The following NCOA1 variants were observed in gnomAD, a reference collection of about 807,000 sequenced individuals.
The protein encoded by NCOA1 is nuclear receptor coactivator 1.
Under a neutral mutation model 150.9 loss-of-function variants are expected in NCOA1, and 35 were observed. That is an observed-to-expected ratio of 0.23 (90% confidence interval 0.18 to 0.31). The LOEUF (loss-of-function observed/expected upper bound fraction) is 0.31, where lower values mean the gene tolerates loss of function less well. NCOA1 is among the 10% of genes least tolerant of loss of function. The probability of loss-of-function intolerance (pLI) is 1.00; values close to 1 mark genes in which losing one functional copy is unlikely to be tolerated. For synonymous variants in NCOA1, 590 were observed against 630.0 expected (o/e 0.94, Z 0.95); for missense variants, 1,491 against 1,749.3 (o/e 0.85, Z 2.63).
chr2:24,526,677 G>T (rs1239019149), intron 1 of NCOA1, among the ~76,000 whole-genome samples: 3 of 151,618 alleles, frequency 2.0e-5, no homozygotes, highest in Admixed American at 6.6e-5. Flanking sequence ...CAGGCTCATT[G>T]CATTGCAGCC....
intron 17 of NCOA1, among the ~76,000 whole-genome samples, chr2:24,738,238 C>T (rs539649749): frequency 1.3e-5 from 2 of 151,464 alleles, no homozygotes; most frequent in East Asian, 1.9e-4. Context: ...ATAAAACTTT[C>T]GTAGGCTTTC....
chr2:24,640,066 A>T (rs966308311), intron 3 of NCOA1, among the ~76,000 whole-genome samples: 1 of 149,814 alleles, frequency 6.7e-6, no homozygotes, highest in Non-Finnish European at 1.5e-5. Flanking sequence ...TTTCCATTGC[A>T]TTTTCTTCTT....
At chr2:24,666,637 G>T (rs890952941) in intron 6 of NCOA1, among the ~76,000 whole-genome samples, 1 of 117,646 alleles carries the variant, frequency 8.5e-6, no homozygotes, top group East Asian at 2.7e-4. Context: ...AAAAAACCCG[G>T]ATTTTTTTTT....
intron 21 of NCOA1, among the ~76,000 whole-genome samples, chr2:24,761,761 C>T (rs1558347387): frequency 1.3e-5 from 2 of 152,084 alleles, no homozygotes; most frequent in Non-Finnish European, 2.9e-5. Context: ...GAAGTTTGAT[C>T]CTTGCTTTTT....
rs1388048291 is a variant in NCOA1 at position 24,768,809 on chromosome 2, G to T, written c.*418G>T. 7 of 226,436 alleles carry T rather than the reference G, an allele frequency of 3.1e-5. No homozygotes were observed. The allele number at this position is 226,436 out of a possible 1,614,324, so 14.0% of individuals were successfully genotyped here. On this transcript the variant is annotated 3_prime_UTR_variant, in exon 23 of 23. Coordinates refer to ENST00000348332, the MANE Select transcript of NCOA1 (RefSeq NM_003743.5). The stretch of plus-strand genomic sequence containing the variant: ...CTGCCCAGGAAGAAGGGCCCGTGGG[G>T]CTTTGCCTGTGCCCGTCCACCAAAG...
At chr2:24,751,872 TAAGA>T (rs910005765) in intron 19 of NCOA1, 106 bp from the exon 20 acceptor site, 1 of 1,070,988 alleles carries the variant, frequency 9.3e-7, no homozygotes, top group Admixed American at 2.9e-5. Flanking sequence ...ACAAGGCAAA[TAAGA>T]AAGTTATTTG....
chr2:24,566,505 C>T lies in NCOA1; in HGVS notation c.-260+2075C>T, dbSNP rs148409204. Reference sequence around the variant, plus strand: ...TGAATCCAGGGTTTTTATGGGCTTCCCAGGGGCTGAAGTGCATGCTGATTG... The same window carrying T: ...TGAATCCAGGGTTTTTATGGGCTTCTCAGGGGCTGAAGTGCATGCTGATTG... On this transcript the variant is annotated intron_variant, in intron 2 of 22. Coordinates refer to ENST00000348332, the MANE Select transcript of NCOA1 (RefSeq NM_003743.5). Among the ~76,000 whole-genome samples, 108 of 152,270 alleles carry T rather than the reference C, an allele frequency of 7.1e-4. 1 individual carries two copies. The East Asian group carries it at 0.019, about 27-fold the overall frequency.
At chr2:24,713,848 G>A (rs1381358376) in intron 14 of NCOA1, among the ~76,000 whole-genome samples, 1 of 152,182 alleles carries the variant, frequency 6.6e-6, no homozygotes. Context: ...GGGGCAGCTA[G>A]AACTTGCTGA....
chr2:24,614,760 T>C (rs1249854930), intron 3 of NCOA1, among the ~76,000 whole-genome samples: 4 of 152,196 alleles, frequency 2.6e-5, no homozygotes, highest in African/African-American at 7.2e-5. Flanking sequence ...ACCACTGACA[T>C]AGAAAAAGTT....
intron 3 of NCOA1, among the ~76,000 whole-genome samples, chr2:24,593,199 G>T (rs902685240): frequency 3.9e-5 from 6 of 152,122 alleles, no homozygotes; most frequent in African/African-American, 1.4e-4. Context: ...GCACTGTCTT[G>T]ACGGATGGCA....
At chr2:24,685,239 T>A (rs776071142) in intron 8 of NCOA1, among the ~76,000 whole-genome samples, 3 of 152,178 alleles carry the variant, frequency 2.0e-5, no homozygotes, top group Non-Finnish European at 4.4e-5. Flanking sequence ...CTTTTGAATT[T>A]ACAGATTTAG....
chr2:24,736,498 T>C (rs1663311695), intron 17 of NCOA1, among the ~76,000 whole-genome samples: 3 of 152,140 alleles, frequency 2.0e-5, no homozygotes, highest in African/African-American at 7.2e-5. Context: ...TGATCATCTT[T>C]TATATATTAT....
At chr2:24,709,520 CTT>C (rs1418680559) in intron 13 of NCOA1, among the ~76,000 whole-genome samples, 1 of 152,012 alleles carries the variant, frequency 6.6e-6, no homozygotes, top group Non-Finnish European at 1.5e-5. Context: ...TTTTATTTTG[CTT>C]ATTGACTTTT....
intron 3 of NCOA1, among the ~76,000 whole-genome samples, chr2:24,614,160 T>TA (rs1429045644): frequency 1.3e-5 from 2 of 149,810 alleles, no homozygotes; most frequent in African/African-American, 4.9e-5. Flanking sequence ...GAAGCTTTAT[T>TA]ACTTGCTTTT....
chr2:24,660,636 A>C (rs1279622742), intron 5 of NCOA1, among the ~76,000 whole-genome samples: 1 of 152,202 alleles, frequency 6.6e-6, no homozygotes, highest in Non-Finnish European at 1.5e-5. Context: ...CATTACATGA[A>C]TATACCATCT....
intron 2 of NCOA1, among the ~76,000 whole-genome samples, chr2:24,576,149 G>GTTTTTTTTTGTTTTTTTTTTTTTTT (rs1666947727): frequency 9.6e-5 from 9 of 94,024 alleles, no homozygotes; most frequent in Non-Finnish European, 1.8e-4. Context: ...TTTGGCCTTT[G>GTTTTTTTTTGTTTTTTTTTTTTTTT]TTTTTTTTTT....
intron 3 of NCOA1, among the ~76,000 whole-genome samples, chr2:24,614,199 C>CTTTTTTTTTTTTT (rs869113477): frequency 0.014 from 127 of 9,174 alleles, 39 homozygotes; most frequent in Non-Finnish European, 0.017. Flanking sequence ...CATTTCCATT[C>CTTTTTTTTTTTTT]TTTTTTTTTT....
intron 3 of NCOA1, among the ~76,000 whole-genome samples, chr2:24,617,083 A>T (rs190662429): frequency 6.6e-6 from 1 of 152,158 alleles, no homozygotes; most frequent in East Asian, 1.9e-4. Context: ...CAAACTTACC[A>T]TCAAATACTT....
chr2:24,750,694 C>T (rs753046822), intron 19 of NCOA1, among the ~76,000 whole-genome samples: 9 of 152,242 alleles, frequency 5.9e-5, no homozygotes, highest in Middle Eastern at 3.4e-3. Context: ...GGATTGACTA[C>T]AAACAGGTAC....
Sources: allele counts gnomAD v4.1 joint callset (sites outside exome capture counted in the v4.1 genomes callset), GRCh38; gene constraint gnomAD v4.1.1; transcripts MANE v1.5; gene names NCBI Gene and HGNC (gene_info 2026-07-23, HGNC 2026-07-21).